CCDC40: variants seen among roughly 807,000 people sequenced by gnomAD.
The protein encoded by CCDC40 is coiled-coil domain 40 molecular ruler complex subunit.
A neutral mutation model predicts 124.5 loss-of-function variants in CCDC40; 104 were observed. The ratio of observed to expected loss-of-function variants is 0.84; its 90% confidence interval spans 0.71 to 0.98. The LOEUF (loss-of-function observed/expected upper bound fraction) is 0.98, where lower values mean the gene tolerates loss of function less well. CCDC40 is among the 50% of genes least tolerant of loss of function. CCDC40 has a pLI of 0.00. For synonymous variants in CCDC40, 580 were observed against 602.9 expected, an observed-to-expected ratio of 0.96 and a Z score of 0.56; for missense variants, 1,463 against 1,503.9, an observed-to-expected ratio of 0.97 and a Z score of 0.45.
Position 80,086,677 on chromosome 17 carries a change from G to A in CCDC40, c.2449+461G>A. ...GGCTGCCAAAGCACCAGGGTGCCTGGAATGATGGAGGCGGGCATCCTTCCT... is the reference window on the plus strand; with the variant it reads ...GGCTGCCAAAGCACCAGGGTGCCTGAAATGATGGAGGCGGGCATCCTTCCT... On this transcript the variant is annotated intron_variant, in intron 14 of 19. Transcript: ENST00000397545. This position sits in a 1 kb window ranked among gnomAD's most constrained non-coding sequence, Gnocchi z 5.5. The A allele has an allele frequency of 4.2e-6, 1 of 236,796 alleles. No homozygotes were observed. Among genetic ancestry groups the A allele is most frequent in the Admixed American group, 5.2e-5 (1 of 19,096 alleles). 14.7% of individuals were successfully genotyped at this position (236,796 alleles called of 1,614,324 possible). A position where few individuals can be genotyped will look rare whatever the true frequency, so the allele number is the denominator to read the frequency against.
chr17:80,088,003 C>T lies in CCDC40; in HGVS notation c.2620-8C>T. 2 of 1,604,360 alleles carry T rather than the reference C, an allele frequency of 1.2e-6. No homozygotes were observed. The highest frequency in any genetic ancestry group is 1.7e-6 in the Non-Finnish European group (2 of 1,171,088). On this transcript the variant is annotated splice_region_variant and splice_polypyrimidine_tract_variant and intron_variant, in intron 15 of 19. Coordinates refer to ENST00000397545, the MANE Select transcript of CCDC40 (RefSeq NM_017950.4). ...CCCCACAGCTGTCCCGCCCCCTCCC[C>T]CATGCAGGCCTCTGAGAGGGAGACC...
Position 80,095,385 on chromosome 17 carries a change from G to A in CCDC40, c.2955G>A (p.Ala985=), listed in dbSNP as rs201511980. 9.3e-6 allele frequency: 15 copies of A among 1,614,092 alleles called. No individual in the cohort carries two copies. The highest frequency in any genetic ancestry group is 5.0e-5 in the Admixed American group (3 of 60,034). Residue 985 remains alanine, a synonymous_variant, in exon 18 of 20, where the codon GCG becomes GCA. Transcript: ENST00000397545. The part of the protein sequence containing the change: ...AEGQRKMDRK[A]LTRTDFHHKQ... ...GGCAGCGCAAGATGGACAGGAAGGCGCTCACCCGCACCGACTTCCACCACA... is the reference window on the plus strand; with the variant it reads ...GGCAGCGCAAGATGGACAGGAAGGCACTCACCCGCACCGACTTCCACCACA...
chr17:80,085,108 C>T lies in CCDC40; in HGVS notation c.2235+120C>T. The T allele has an allele frequency of 2.3e-6, 3 of 1,292,650 alleles. No individual in the cohort carries two copies. The South Asian group carries it at 3.8e-5, about 16-fold the overall frequency. 80.1% of individuals were successfully genotyped at this position (1,292,650 alleles called of 1,614,324 possible). Reference sequence around the variant, plus strand: ...CTGGAAGGCACAGAACTGCCTCTTTCCCTACCTGCTTTACAGACAAAATGG... The same window carrying T: ...CTGGAAGGCACAGAACTGCCTCTTTTCCTACCTGCTTTACAGACAAAATGG... On this transcript the variant is annotated intron_variant, in intron 13 of 19. Coordinates refer to ENST00000397545, the MANE Select transcript of CCDC40 (RefSeq NM_017950.4).
chr17:80,068,068 C>G (rs1017728861), intron 10 of CCDC40: 3 of 841,146 alleles, frequency 3.6e-6, no homozygotes, highest in African/African-American at 3.7e-5. Context: ...GAGTCTCGCT[C>G]TGTCCCCCAG....
chr17:80,090,212 CGAAGAACACGGGACGCGCGCAGGCACG>C, intron 17 of CCDC40: 1 of 731,690 alleles, frequency 1.4e-6, no homozygotes, highest in Non-Finnish European at 2.0e-6. Flanking sequence ...GGCACGTGCA[CGAAGAACACGGGACGCGCGCAGGCACG>C]TGCACGAACA....
rs1413483091 is a variant in CCDC40 at position 80,050,283 on chromosome 17, T to C, written c.1159T>C (p.Leu387=). ...AGCCGCCAACGAGGAGCGCAAAAAGTGTAAGGCAACCCGGCAGCCCCACAC... is the reference window on the plus strand; with the variant it reads ...AGCCGCCAACGAGGAGCGCAAAAAGCGTAAGGCAACCCGGCAGCCCCACAC... ...CAAANEERKK[L]AALQTEMENL... The change falls in exon 7 of 20, where the codon TTG becomes CTG. Residue 387 remains leucine, a splice_region_variant and synonymous_variant. Transcript: ENST00000397545. The C allele has an allele frequency of 3.9e-6, 6 of 1,556,064 alleles. No individual in the cohort carries two copies. The East Asian group carries it at 7.3e-5, about 19-fold the overall frequency.
At chr17:80,071,763 G>C (rs556945097) in intron 10 of CCDC40, among the ~76,000 whole-genome samples, 8 of 151,678 alleles carry the variant, frequency 5.3e-5, no homozygotes, top group Non-Finnish European at 1.0e-4. Flanking sequence ...GAGCACGTTT[G>C]AGGGAGGCTG....
At chr17:80,079,170 G>C (rs1298033663) in intron 10 of CCDC40, among the ~76,000 whole-genome samples, 1 of 151,964 alleles carries the variant, frequency 6.6e-6, no homozygotes, top group Non-Finnish European at 1.5e-5. Flanking sequence ...TATTGATAGT[G>C]TCTTATCCTT....
chr17:80,065,886 CT>C (rs2038033238), intron 10 of CCDC40, among the ~76,000 whole-genome samples: 1 of 152,202 alleles, frequency 6.6e-6, no homozygotes, highest in Non-Finnish European at 1.5e-5. Flanking sequence ...AAAGAGAAAG[CT>C]ATCTTTGGGA....
intron 9 of CCDC40, among the ~76,000 whole-genome samples, chr17:80,064,931 G>A (rs1357974757): frequency 3.3e-5 from 5 of 152,050 alleles, no homozygotes; most frequent in East Asian, 1.9e-4. Flanking sequence ...GGCCCGTCCT[G>A]TGGGACCTCA....
chr17:80,084,592 CAG>C (rs1328337158), intron 12 of CCDC40, 149 bp from the exon 13 acceptor site: 3 of 876,606 alleles, frequency 3.4e-6, no homozygotes, highest in Non-Finnish European at 1.8e-6. Context: ...GTCCTGGAGA[CAG>C]TGGGAAATCC....
At chr17:80,048,350 T>C in intron 4 of CCDC40, 1 of 580,222 alleles carries the variant, frequency 1.7e-6, no homozygotes, top group South Asian at 2.0e-5. Context: ...AAAAATAATT[T>C]CCTTCCTGCC....
In CCDC40 at chr17:80,058,625, C is replaced by T. The variant is rs572565666; in HGVS notation, c.1291C>T (p.Arg431Trp). Reference sequence around the variant, plus strand: ...AAAGAAGGCCGAGACGGAGAGGATCCGGGCAGAAATCGAGAAGAAAAAGCA... The same window carrying T: ...AAAGAAGGCCGAGACGGAGAGGATCTGGGCAGAAATCGAGAAGAAAAAGCA... ...VVKKAETERI[R>W]AEIEKKKQDL... Residue 431 changes from arginine (R) to tryptophan (W), a missense_variant, in exon 8 of 20, where the codon CGG (arginine) becomes TGG (tryptophan). Physicochemically the swap from Arg to Trp is moderately radical, Grantham distance 101 (BLOSUM62 -3). Transcript: ENST00000397545. The surrounding 1 kb of genome is among the most constrained non-coding windows in gnomAD (Gnocchi z 4.2). 9.3e-6 allele frequency: 15 copies of T among 1,614,200 alleles called. No individual in the cohort carries two copies. The highest frequency in any genetic ancestry group is 1.7e-5 in the Admixed American group (1 of 60,018).
At chr17:80,048,902 C>A in intron 5 of CCDC40, 141 bp downstream of exon 5, 1 of 807,746 alleles carries the variant, frequency 1.2e-6, no homozygotes, top group Non-Finnish European at 2.1e-6. Flanking sequence ...CGTTTATTGG[C>A]ACTGATTGAC....
intron 2 of CCDC40, among the ~76,000 whole-genome samples, chr17:80,039,122 T>C (rs1411779771): frequency 1.3e-5 from 2 of 151,990 alleles, no homozygotes; most frequent in Non-Finnish European, 2.9e-5. Context: ...GTCCCGGCAC[T>C]TTGGGAGGCT....
intron 10 of CCDC40, among the ~76,000 whole-genome samples, chr17:80,065,890 C>T (rs764019476): frequency 7.2e-5 from 11 of 152,198 alleles, no homozygotes; most frequent in South Asian, 2.1e-4. Context: ...AGAAAGCTAT[C>T]TTTGGGAGGT....
intron 17 of CCDC40, chr17:80,092,093 G>A (rs1171757613): frequency 6.6e-6 from 1 of 152,262 alleles, no homozygotes; most frequent in Non-Finnish European, 1.5e-5. Flanking sequence ...GAGTGAAGTG[G>A]TGGGATCTCG....
chr17:80,052,957 G>A (rs138276952), intron 7 of CCDC40, among the ~76,000 whole-genome samples: 2 of 152,302 alleles, frequency 1.3e-5, no homozygotes, highest in East Asian at 3.9e-4. Context: ...AATGAATGCA[G>A]TTGAAAACTG....
At chr17:80,044,922 C>T (rs1485126074) in intron 3 of CCDC40, among the ~76,000 whole-genome samples, 1 of 152,074 alleles carries the variant, frequency 6.6e-6, no homozygotes, top group Non-Finnish European at 1.5e-5. Flanking sequence ...TCCCACCTCC[C>T]ACTGGCTCTC....
Sources: gnomAD v4.1 joint callset for allele counts (sites outside exome capture counted in the v4.1 genomes callset) on GRCh38, gnomAD v4.1.1 for gene constraint, Gnocchi (gnomAD v3.1) non-coding constraint, MANE v1.5 for transcripts, NCBI Gene and HGNC (gene_info 2026-07-23, HGNC 2026-07-21) for gene names.